FOXP2: variants seen among roughly 807,000 people sequenced by gnomAD.
FOXP2 encodes the protein forkhead box protein P2.
Under a neutral mutation model 115.8 loss-of-function variants are expected in FOXP2, and 12 were observed. That is an observed-to-expected ratio of 0.10 (90% CI 0.07 to 0.17). FOXP2 has a LOEUF of 0.17. FOXP2 is among the 10% of genes least tolerant of loss of function. The pLI is 1.00. For missense variants in FOXP2, 629 were observed against 843.5 expected (o/e 0.75, Z 3.15); for synonymous variants, 328 against 297.7 (o/e 1.10, Z -1.05).
chr7:114,228,138 T>G lies in FOXP2; in HGVS notation c.-101-59881T>G, dbSNP rs112370316. ...TCAAACCATGTGGTACAATACTATG[T>G]GGTCATCTGATCAAATTAGAGGGTA... On this transcript the variant is annotated intron_variant, in intron 1 of 17. Transcript: ENST00000634411. Among the ~76,000 whole-genome samples the G allele has an allele frequency of 1.2e-3, 185 of 152,206 alleles. 1 individual carries two copies. The highest frequency in any genetic ancestry group is 4.2e-3 in the African/African-American group (173 of 41,588).
Position 114,690,192 on chromosome 7 carries a change from T to C in FOXP2, c.*266T>C. The C allele has an allele frequency of 2.0e-6, 1 of 501,388 alleles. No individual in the cohort carries two copies. Among genetic ancestry groups the C allele is most frequent in the Non-Finnish European group, 3.7e-6 (1 of 269,000 alleles). The allele number at this position is 501,388 out of a possible 1,614,324, so 31.1% of individuals were successfully genotyped here. A position where few individuals can be genotyped will look rare whatever the true frequency, so the allele number is the denominator to read the frequency against. On this transcript the variant is annotated 3_prime_UTR_variant, in exon 17 of 17. Coordinates refer to ENST00000350908, the MANE Select transcript of FOXP2 (RefSeq NM_014491.4). ...ATTTTCTTGAAAAAAAAAAATGAAC[T>C]GTTCTTTCTATAATGGCTTTGCCCA...
At chr7:114,308,244 T>C (rs551704521) in intron 2 of FOXP2, among the ~76,000 whole-genome samples, 1 of 152,268 alleles carries the variant, frequency 6.6e-6, no homozygotes, top group African/African-American at 2.4e-5. Flanking sequence ...TTGGTCCTCA[T>C]AGGCCACTGG....
intron 3 of FOXP2, among the ~76,000 whole-genome samples, chr7:114,618,204 T>A (rs1237849238): frequency 6.6e-6 from 1 of 152,190 alleles, no homozygotes; most frequent in Non-Finnish European, 1.5e-5. Context: ...TAGCAAACTT[T>A]TGCTGGATGG....
chr7:114,182,046 GC>G (rs1793469652), intron 1 of FOXP2, among the ~76,000 whole-genome samples: 1 of 151,902 alleles, frequency 6.6e-6, no homozygotes, highest in Non-Finnish European at 1.5e-5. Context: ...ATTGCTTTAT[GC>G]ATTTGTGCCT....
chr7:114,561,991 C>T (rs1247102162), intron 3 of FOXP2, among the ~76,000 whole-genome samples: 6 of 151,994 alleles, frequency 3.9e-5, no homozygotes, highest in African/African-American at 1.5e-4. Flanking sequence ...AATTGGTGGA[C>T]CTAAGGAATT....
intron 6 of FOXP2, among the ~76,000 whole-genome samples, chr7:114,641,570 C>T (rs1038794718): frequency 1.3e-5 from 2 of 151,938 alleles, no homozygotes; most frequent in Non-Finnish European, 2.9e-5. Context: ...TCAAAATGAA[C>T]AGATAATTGT....
At chr7:114,244,510 T>TTG (rs1211828759) in intron 1 of FOXP2, among the ~76,000 whole-genome samples, 3 of 151,916 alleles carry the variant, frequency 2.0e-5, no homozygotes, top group East Asian at 1.9e-4. Flanking sequence ...TATGGGATGT[T>TTG]TGTGTGTGTG....
chr7:114,196,228 T>A (rs1793902561), intron 1 of FOXP2, among the ~76,000 whole-genome samples: 1 of 152,002 alleles, frequency 6.6e-6, no homozygotes, highest in South Asian at 2.1e-4. Flanking sequence ...TCCAGGATAG[T>A]CTCCATCTCT....
At chr7:114,172,059 G>A (rs544189473) in intron 1 of FOXP2, among the ~76,000 whole-genome samples, 1 of 152,140 alleles carries the variant, frequency 6.6e-6, no homozygotes, top group East Asian at 1.9e-4. Context: ...GTGAGGAATT[G>A]CTTCCTAAGG....
rs200748852 is a variant in FOXP2 at position 114,526,991 on chromosome 7, A to ATT, written c.169-7610_169-7609dup. On this transcript the variant is annotated intron_variant, in intron 2 of 16. Transcript: ENST00000350908. ...TCTGGGCCCTTGTAACCACTAATCT[A>ATT]TTTTTTTTTTTTTTTTTGTCTCTTT... Among the ~76,000 whole-genome samples the ATT allele has an allele frequency of 8.9e-3, 1,147 of 128,838 alleles. 11 individuals carry two copies. The highest frequency in any genetic ancestry group is 0.017 in the South Asian group (70 of 4,092). The allele number at this position is 128,838 out of a possible 152,430, so 84.5% of individuals were successfully genotyped here. A position where few individuals can be genotyped will look rare whatever the true frequency, so the allele number is the denominator to read the frequency against.
intron 2 of FOXP2, among the ~76,000 whole-genome samples, chr7:114,326,029 C>T (rs895910060): frequency 6.6e-6 from 1 of 152,024 alleles, no homozygotes; most frequent in Non-Finnish European, 1.5e-5. Flanking sequence ...GTAACTCCAA[C>T]GTGAAGTTCA....
chr7:114,296,915 T>C (rs1180802560), intron 2 of FOXP2, among the ~76,000 whole-genome samples: 1 of 152,218 alleles, frequency 6.6e-6, no homozygotes, highest in African/African-American at 2.4e-5. Context: ...TATCTTGTAG[T>C]TTCTCCAAAT....
chr7:114,312,786 A>C (rs1233492035), intron 2 of FOXP2, among the ~76,000 whole-genome samples: 1 of 152,134 alleles, frequency 6.6e-6, no homozygotes, highest in Non-Finnish European at 1.5e-5. Flanking sequence ...GAAATCCACC[A>C]CTTTGTAGCA....
intron 3 of FOXP2, among the ~76,000 whole-genome samples, chr7:114,559,758 C>G (rs367845733): frequency 4.0e-5 from 6 of 151,724 alleles, no homozygotes; most frequent in African/African-American, 1.5e-4. Context: ...GCGTGGTGGC[C>G]GGCGCCTGTA....
intron 1 of FOXP2, among the ~76,000 whole-genome samples, chr7:114,134,629 C>T (rs1584498604): frequency 6.7e-6 from 1 of 148,782 alleles, no homozygotes; most frequent in South Asian, 2.1e-4. Flanking sequence ...AGGAGAATGG[C>T]GTGAACCCGG....
chr7:114,433,923 A>G (rs1227071841), intron 2 of FOXP2, among the ~76,000 whole-genome samples: 1 of 152,000 alleles, frequency 6.6e-6, no homozygotes, highest in East Asian at 1.9e-4. Context: ...AATTTTCTAA[A>G]TTCATCTGGC....
intron 2 of FOXP2, among the ~76,000 whole-genome samples, chr7:114,383,344 A>G (rs1265952175): frequency 6.6e-6 from 1 of 152,078 alleles, no homozygotes; most frequent in Non-Finnish European, 1.5e-5. Context: ...GGGCATAATC[A>G]GGGAACATTG....
rs552740171 is a variant in FOXP2 at position 114,462,138 on chromosome 7, G to A, written c.168+35459G>A. Among the ~76,000 whole-genome samples the A allele has an allele frequency of 1.9e-4, 29 of 151,318 alleles. No individual in the cohort carries two copies. The Middle Eastern group carries it at 0.01, about 53-fold the overall frequency. ...TCTACTAAAAATACAAAAATTAGCC[G>A]GGCGCGGTGGCACGTGCCTGTAGTC... is the stretch of plus-strand genomic sequence containing the variant. On this transcript the variant is annotated intron_variant, in intron 2 of 16. Coordinates refer to ENST00000350908, the MANE Select transcript of FOXP2 (RefSeq NM_014491.4).
intron 2 of FOXP2, chr7:114,297,427 A>G: frequency 3.8e-6 from 2 of 530,252 alleles, no homozygotes. Context: ...GCCCAGAGCC[A>G]TGGCTGCTGC....
Sources: allele counts gnomAD v4.1 joint callset (sites outside exome capture counted in the v4.1 genomes callset), GRCh38; gene constraint gnomAD v4.1.1; transcripts MANE v1.5; gene names NCBI Gene and HGNC (gene_info 2026-07-23, HGNC 2026-07-21).